The following EPB41L3 variants were observed in gnomAD, a reference collection of about 807,000 sequenced individuals.
The protein encoded by EPB41L3 is erythrocyte membrane protein band 4.1 like 3, also known as band 4.1-like protein 3.
In EPB41L3, 57 loss-of-function variants were observed where a neutral mutation model predicts 127.1. The ratio of observed to expected loss-of-function variants is 0.45; its 90% CI spans 0.36 to 0.56. The LOEUF (loss-of-function observed/expected upper bound fraction) is 0.56. Ranked by LOEUF, EPB41L3 falls within the 20% of genes least tolerant of loss-of-function variation. The pLI is 0.00. For synonymous variants in EPB41L3, 572 were observed against 549.5 expected (o/e 1.04, Z -0.57); for missense variants, 1,273 against 1,372.2 (o/e 0.93, Z 1.14).
At chr18:5,476,953 A>G (rs1364342816) in intron 3 of EPB41L3, among the ~76,000 whole-genome samples, 1 of 152,218 alleles carries the variant, frequency 6.6e-6, no homozygotes, top group African/African-American at 2.4e-5. Context: ...CTGGATGACT[A>G]AATTTTCTAT....
At chr18:5,447,061 G>A (rs532545798) in intron 3 of EPB41L3, among the ~76,000 whole-genome samples, 1 of 152,212 alleles carries the variant, frequency 6.6e-6, no homozygotes, top group Admixed American at 6.5e-5. Context: ...GCAGTTGGAT[G>A]AGAGAGGCAG....
At chr18:5,483,177 T>G (rs1449391404) in intron 2 of EPB41L3, among the ~76,000 whole-genome samples, 2 of 151,908 alleles carry the variant, frequency 1.3e-5, no homozygotes, top group African/African-American at 4.8e-5. Flanking sequence ...AGAATTGGGG[T>G]GTGTGTGTAT....
chr18:5,574,787 G>T (rs1423061336), intron 3 of EPB41L3, among the ~76,000 whole-genome samples: 4 of 152,160 alleles, frequency 2.6e-5, no homozygotes, highest in African/African-American at 9.7e-5. Flanking sequence ...GACCTTGGCA[G>T]CTTGTGCCTG....
chr18:5,471,487 T>C (rs889838836), intron 3 of EPB41L3, among the ~76,000 whole-genome samples: 5 of 152,232 alleles, frequency 3.3e-5, no homozygotes, highest in African/African-American at 9.6e-5. Flanking sequence ...CGTGAAATCT[T>C]AGTCACAGGA....
chr18:5,513,861 A>G (rs374282638), intron 1 of EPB41L3, among the ~76,000 whole-genome samples: 1 of 152,226 alleles, frequency 6.6e-6, no homozygotes, highest in East Asian at 1.9e-4. Flanking sequence ...TCTTATAGTC[A>G]TTATGGCTCA....
At chr18:5,476,840 G>A (rs1432758732) in intron 3 of EPB41L3, among the ~76,000 whole-genome samples, 1 of 152,082 alleles carries the variant, frequency 6.6e-6, no homozygotes, top group Non-Finnish European at 1.5e-5. Context: ...GGACACGCTG[G>A]CCTAAGAAAT....
At chr18:5,551,477 C>G (rs909483248) in intron 3 of EPB41L3, among the ~76,000 whole-genome samples, 1 of 152,148 alleles carries the variant, frequency 6.6e-6, no homozygotes, top group Non-Finnish European at 1.5e-5. Flanking sequence ...GTAATCCCAG[C>G]ACTTTGGGAG....
chr18:5,505,704 C>T (rs1305941208), intron 1 of EPB41L3, among the ~76,000 whole-genome samples: 1 of 140,264 alleles, frequency 7.1e-6, no homozygotes, highest in African/African-American at 2.7e-5. Flanking sequence ...CCACCCCTTC[C>T]CTCCACACCT....
chr18:5,495,399 T>TAAAAAAAAA (rs200781678), intron 1 of EPB41L3, among the ~76,000 whole-genome samples: 1 of 116,024 alleles, frequency 8.6e-6, no homozygotes, highest in Non-Finnish European at 1.9e-5. Flanking sequence ...ATTGGAAACT[T>TAAAAAAAAA]AAAAAAAAAA....
intron 8 of EPB41L3, among the ~76,000 whole-genome samples, chr18:5,428,680 C>T (rs2078561882): frequency 6.6e-6 from 1 of 152,138 alleles, no homozygotes; most frequent in Non-Finnish European, 1.5e-5. Context: ...AATCTGCTCT[C>T]CCAGGTGTCT....
At chr18:5,559,329 GCA>G (rs1160288626) in intron 3 of EPB41L3, among the ~76,000 whole-genome samples, 4 of 152,112 alleles carry the variant, frequency 2.6e-5, no homozygotes, top group Non-Finnish European at 5.9e-5. Flanking sequence ...CAGACTTTTT[GCA>G]AAGGCAAAAA....
intron 2 of EPB41L3, among the ~76,000 whole-genome samples, chr18:5,487,056 C>A (rs1043070702): frequency 6.6e-6 from 1 of 152,110 alleles, no homozygotes; most frequent in Non-Finnish European, 1.5e-5. Context: ...TTCATAGCAG[C>A]CAAAATATGA....
chr18:5,393,221 G>C lies in EPB41L3; in HGVS notation c.*264C>G, dbSNP rs1048571491. 5 of 408,514 alleles carry C rather than the reference G, an allele frequency of 1.2e-5. No homozygotes were observed. In the Admixed American group the frequency reaches 2.2e-4, roughly 18 times the overall value. 25.3% of individuals were successfully genotyped at this position (408,514 alleles called of 1,614,324 possible). ...GTATAGCTGAAAACTGAGACATTTT[G>C]TGAAAATTAAAAATGCTGCTCTTTT... On this transcript the variant is annotated 3_prime_UTR_variant, in exon 23 of 23. Coordinates refer to ENST00000341928, the MANE Select transcript of EPB41L3 (RefSeq NM_012307.5).
rs748206725 is a variant in EPB41L3 at position 5,478,198 on chromosome 18, C to T, written c.381+43G>A. ...TATATTTTATACCAACATTCCCCAG[C>T]TCTCAATATCTAGGACAGAAAAGTC... On this transcript the variant is annotated intron_variant, in intron 3 of 22. Coordinates refer to ENST00000341928, the MANE Select transcript of EPB41L3 (RefSeq NM_012307.5). 2.0e-5 allele frequency: 31 copies of T among 1,557,480 alleles called. No individual in the cohort carries two copies. The South Asian group carries it at 3.5e-4, about 18-fold the overall frequency.
At chr18:5,419,657 T>C in intron 12 of EPB41L3, 54 bp downstream of exon 12, 1 of 1,606,888 alleles carries the variant, frequency 6.2e-7, no homozygotes, top group Non-Finnish European at 8.5e-7. Flanking sequence ...TCAGCATCAT[T>C]TAGTCATTCT....
chr18:5,593,883 G>A (rs10164100), intron 3 of EPB41L3, among the ~76,000 whole-genome samples: 1,798 of 152,248 alleles, frequency 0.012, 25 homozygotes, highest in African/African-American at 0.035. Flanking sequence ...TGTTCCGCCC[G>A]GCTCACCGGC....
In EPB41L3 at chr18:5,613,325, G is replaced by A. The variant is rs149065064; in HGVS notation, c.-394-897C>T. 4.1e-4 allele frequency among the ~76,000 whole-genome samples: 62 copies of A among 152,298 alleles called. No homozygotes were observed. In the Middle Eastern group the frequency reaches 0.01, roughly 25 times the overall value. On this transcript the variant is annotated intron_variant, in intron 2 of 21. Transcript: ENST00000545076. ...AAAGACCTTTGAGAAACACAAAGCC[G>A]TGTCAATTCAGAGTGAACTTTCGAA... is the stretch of plus-strand genomic sequence containing the variant.
At chr18:5,443,756 C>G in intron 5 of EPB41L3, 82 bp downstream of exon 5, 1 of 1,100,300 alleles carries the variant, frequency 9.1e-7, no homozygotes, top group Non-Finnish European at 1.3e-6. Flanking sequence ...ACACTAGCCA[C>G]TTAGGTATGG....
chr18:5,408,051 G>C (rs1249928409), intron 14 of EPB41L3, among the ~76,000 whole-genome samples: 2 of 152,174 alleles, frequency 1.3e-5, no homozygotes, highest in Non-Finnish European at 2.9e-5. Flanking sequence ...AAATAGTTCA[G>C]GAAGTGGGGG....
Sources: gnomAD v4.1 joint callset for allele counts (sites outside exome capture counted in the v4.1 genomes callset) on GRCh38, gnomAD v4.1.1 for gene constraint, MANE v1.5 for transcripts, NCBI Gene and HGNC (gene_info 2026-07-23, HGNC 2026-07-21) for gene names.